The following TSPAN18 variants were observed in gnomAD, a reference collection of about 807,000 sequenced individuals.
The protein encoded by TSPAN18 is tetraspanin 18.
Under a neutral mutation model 27.3 loss-of-function variants are expected in TSPAN18, and 14 were observed. That is an observed-to-expected ratio of 0.51 (90% CI 0.34 to 0.80). The LOEUF (loss-of-function observed/expected upper bound fraction) is 0.80, where lower values mean the gene tolerates loss of function less well. TSPAN18 is among the 30% of genes least tolerant of loss of function. The probability of loss-of-function intolerance (pLI) is 0.01; values close to 1 mark genes in which losing one functional copy is unlikely to be tolerated. For missense variants in TSPAN18, 268 were observed against 323.9 expected (o/e 0.83, Z 1.32); for synonymous variants, 143 against 136.5 (o/e 1.05, Z -0.33).
intron 2 of TSPAN18, among the ~76,000 whole-genome samples, chr11:44,764,910 G>C (rs1855532434): frequency 3.3e-5 from 5 of 152,166 alleles, no homozygotes; most frequent in Admixed American, 3.3e-4. Context: ...TCGCTTCCTA[G>C]GGTGATTACC....
At chr11:44,730,032 AACC>A (rs1854614532) in intron 1 of TSPAN18, among the ~76,000 whole-genome samples, 1 of 152,180 alleles carries the variant, frequency 6.6e-6, no homozygotes, top group South Asian at 2.1e-4. Flanking sequence ...AGGAGAGTCT[AACC>A]TTTTAGGGGG....
intron 3 of TSPAN18, among the ~76,000 whole-genome samples, chr11:44,892,095 C>T (rs913170681): frequency 6.6e-6 from 1 of 152,154 alleles, no homozygotes; most frequent in Non-Finnish European, 1.5e-5. Flanking sequence ...GGGCTGTCTG[C>T]TCTCCCCACA....
intron 3 of TSPAN18, among the ~76,000 whole-genome samples, chr11:44,902,312 G>T (rs1481720555): frequency 1.3e-5 from 2 of 152,230 alleles, no homozygotes; most frequent in African/African-American, 2.4e-5. Context: ...AAGGTGATGG[G>T]CTGGGATTCG....
chr11:44,852,159 C>T (rs1857622826), intron 2 of TSPAN18, among the ~76,000 whole-genome samples: 1 of 152,234 alleles, frequency 6.6e-6, no homozygotes, highest in East Asian at 1.9e-4. Flanking sequence ...ATGTTCAGCT[C>T]TAGGCACCAA....
intron 2 of TSPAN18, among the ~76,000 whole-genome samples, chr11:44,815,652 C>T (rs1415773768): frequency 6.6e-6 from 1 of 152,166 alleles, no homozygotes; most frequent in African/African-American, 2.4e-5. Context: ...ATGATAAATA[C>T]ATACATGCCT....
intron 3 of TSPAN18, among the ~76,000 whole-genome samples, chr11:44,878,415 G>A (rs1374745979): frequency 6.6e-6 from 1 of 152,176 alleles, no homozygotes; most frequent in Non-Finnish European, 1.5e-5. Flanking sequence ...TGGGTCTGGG[G>A]CCAGCCCGGG....
At chr11:44,777,871 T>C (rs1855849669) in intron 2 of TSPAN18, among the ~76,000 whole-genome samples, 1 of 152,114 alleles carries the variant, frequency 6.6e-6, no homozygotes, top group Non-Finnish European at 1.5e-5. Context: ...CAAGCCCTGG[T>C]TCAGGGACTA....
At chr11:44,922,980 G>A (rs1404880124) in intron 8 of TSPAN18, among the ~76,000 whole-genome samples, 1 of 152,176 alleles carries the variant, frequency 6.6e-6, no homozygotes, top group Admixed American at 6.5e-5. Context: ...GTGGTGGCAT[G>A]TGCCTATAAT....
chr11:44,814,352 C>G (rs564167808), intron 2 of TSPAN18, among the ~76,000 whole-genome samples: 1 of 152,098 alleles, frequency 6.6e-6, no homozygotes. Context: ...AATGAAGACA[C>G]GTGGCTCCAT....
intron 3 of TSPAN18, among the ~76,000 whole-genome samples, chr11:44,883,911 T>C (rs186231261): frequency 6.6e-6 from 1 of 150,678 alleles, no homozygotes; most frequent in Non-Finnish European, 1.5e-5. Context: ...TGTACCTACT[T>C]TGTAGGTTGT....
At chr11:44,883,893 A>G (rs1414031810) in intron 3 of TSPAN18, among the ~76,000 whole-genome samples, 1 of 152,254 alleles carries the variant, frequency 6.6e-6, no homozygotes, top group Non-Finnish European at 1.5e-5. Flanking sequence ...TAAAATAGGC[A>G]TAATAATTGT....
intron 2 of TSPAN18, among the ~76,000 whole-genome samples, chr11:44,823,503 AG>A (rs1333497012): frequency 6.6e-6 from 1 of 152,172 alleles, no homozygotes; most frequent in Non-Finnish European, 1.5e-5. Context: ...AAAAGGTTAA[AG>A]TAAAGACACC....
At chr11:44,798,314 C>T (rs913306406) in intron 2 of TSPAN18, among the ~76,000 whole-genome samples, 3 of 152,238 alleles carry the variant, frequency 2.0e-5, no homozygotes, top group African/African-American at 7.2e-5. Flanking sequence ...ATGTAAGGCT[C>T]ACAGCAGCCC....
intron 2 of TSPAN18, among the ~76,000 whole-genome samples, chr11:44,795,561 C>T (rs1327431398): frequency 6.6e-6 from 1 of 152,120 alleles, no homozygotes; most frequent in Non-Finnish European, 1.5e-5. Flanking sequence ...CGGTGGCCAG[C>T]CTGACACACA....
intron 2 of TSPAN18, among the ~76,000 whole-genome samples, chr11:44,791,264 C>T (rs942731945): frequency 3.3e-5 from 5 of 152,238 alleles, no homozygotes; most frequent in South Asian, 2.1e-4. Context: ...TGGCAGACTC[C>T]AGCACACACC....
At chr11:44,733,541 A>G (rs1854714754) in intron 1 of TSPAN18, among the ~76,000 whole-genome samples, 1 of 152,206 alleles carries the variant, frequency 6.6e-6, no homozygotes, top group South Asian at 2.1e-4. Flanking sequence ...AGGATCTTTC[A>G]GAACCCACTT....
intron 6 of TSPAN18, among the ~76,000 whole-genome samples, chr11:44,918,392 G>A (rs1352890529): frequency 6.6e-6 from 1 of 152,188 alleles, no homozygotes; most frequent in Non-Finnish European, 1.5e-5. Flanking sequence ...GCACAGGGCA[G>A]ACTGCTCTCG....
At chr11:44,743,179 G>A (rs1854986741) in intron 1 of TSPAN18, among the ~76,000 whole-genome samples, 1 of 152,162 alleles carries the variant, frequency 6.6e-6, no homozygotes, top group Admixed American at 6.5e-5. Context: ...TGATGCATCT[G>A]GGCACATACG....
At chr11:44,754,639 G>A (rs932453215) in intron 1 of TSPAN18, among the ~76,000 whole-genome samples, 1 of 152,230 alleles carries the variant, frequency 6.6e-6, no homozygotes, top group African/African-American at 2.4e-5. Flanking sequence ...ATACTATGGT[G>A]TTGGCCACAC....
Sources: gnomAD v4.1 joint callset for allele counts (sites outside exome capture counted in the v4.1 genomes callset) on GRCh38, gnomAD v4.1.1 for gene constraint, MANE v1.5 for transcripts, NCBI Gene and HGNC (gene_info 2026-07-23, HGNC 2026-07-21) for gene names.